INTS9: variants seen among roughly 807,000 people sequenced by gnomAD.
INTS9 encodes integrator complex subunit 9.
A neutral mutation model predicts 79.7 loss-of-function variants in INTS9; 55 were observed. The observed-to-expected ratio is 0.69, with a 90% CI of 0.56 to 0.86. INTS9 has a LOEUF of 0.86. Ranked by LOEUF, INTS9 falls within the 40% of genes least tolerant of loss-of-function variation. The pLI is 0.00. For synonymous variants in INTS9, 319 were observed against 325.2 expected (o/e 0.98, Z 0.20); for missense variants, 721 against 831.5 (o/e 0.87, Z 1.64).
intron 6 of INTS9, among the ~76,000 whole-genome samples, chr8:28,824,870 A>G (rs1468923426): frequency 6.6e-6 from 1 of 152,230 alleles, no homozygotes; most frequent in Non-Finnish European, 1.5e-5. Context: ...AGAGAATACT[A>G]CCTTCCTTTG....
At chr8:28,848,106 C>A (rs933242710) in intron 3 of INTS9, among the ~76,000 whole-genome samples, 10 of 152,236 alleles carry the variant, frequency 6.6e-5, no homozygotes, top group Admixed American at 3.3e-4. Context: ...TCTCCTCTCA[C>A]TGACTTTAAA....
chr8:28,797,507 T>C (rs1804290858), intron 8 of INTS9, among the ~76,000 whole-genome samples: 1 of 152,214 alleles, frequency 6.6e-6, no homozygotes, highest in Non-Finnish European at 1.5e-5. Context: ...ACATCCATGA[T>C]CTTCTTGTGA....
intron 2 of INTS9, among the ~76,000 whole-genome samples, chr8:28,857,095 A>G (rs1012729003): frequency 6.6e-6 from 1 of 152,124 alleles, no homozygotes; most frequent in African/African-American, 2.4e-5. Context: ...GTGTATATGT[A>G]CCACATTTTC....
chr8:28,816,984 C>A (rs1445685164), intron 6 of INTS9, among the ~76,000 whole-genome samples: 1 of 149,200 alleles, frequency 6.7e-6, no homozygotes, highest in African/African-American at 2.5e-5. Flanking sequence ...GTCCTTTGCC[C>A]ACTTTTTGAT....
chr8:28,851,678 C>T (rs1196986716), intron 2 of INTS9, among the ~76,000 whole-genome samples: 2 of 151,782 alleles, frequency 1.3e-5, no homozygotes, highest in Non-Finnish European at 2.9e-5. Flanking sequence ...ACCTCATGAT[C>T]CACCCGCCTC....
intron 12 of INTS9, among the ~76,000 whole-genome samples, chr8:28,778,741 GCA>G (rs2130883279): frequency 1.3e-5 from 2 of 152,328 alleles, no homozygotes; most frequent in South Asian, 2.1e-4. Flanking sequence ...TTGATTCCCA[GCA>G]CAGTCTGTGC....
intron 6 of INTS9, among the ~76,000 whole-genome samples, chr8:28,834,603 G>C (rs895334394): frequency 2.0e-5 from 3 of 151,700 alleles, no homozygotes; most frequent in Non-Finnish European, 4.4e-5. Context: ...ATCTCCTAAG[G>C]AATGTCCTTC....
At position 28,767,977 on chromosome 8, in the gene INTS9, G is replaced by T. The variant is rs936725221; in HGVS notation, c.*169C>A. 7 of 668,044 alleles carry T rather than the reference G, an allele frequency of 1.0e-5. No individual in the cohort carries two copies. In the African/African-American group the frequency reaches 1.1e-4, roughly 10 times the overall value. 41.4% of individuals were successfully genotyped at this position (668,044 alleles called of 1,614,324 possible). A position where few individuals can be genotyped will look rare whatever the true frequency, so the allele number is the denominator to read the frequency against. ...AGGGAAAGTTCTTGCCTGAAACAGT[G>T]CTGGGAATAAGTCCAGACCATTTCC... On this transcript the variant is annotated 3_prime_UTR_variant, in exon 17 of 17. Transcript: ENST00000521022.
At chr8:28,830,096 G>C (rs4732884) in intron 6 of INTS9, among the ~76,000 whole-genome samples, 128,992 of 151,726 alleles carry the variant, frequency 0.85, 55,122 homozygotes, top group East Asian at 0.93. Flanking sequence ...ACAGATAGAG[G>C]CTATATAATG....
At chr8:28,787,130 A>G (rs1803648684) in intron 11 of INTS9, among the ~76,000 whole-genome samples, 2 of 152,208 alleles carry the variant, frequency 1.3e-5, no homozygotes, top group Non-Finnish European at 2.9e-5. Flanking sequence ...TAGAGCAATA[A>G]TAACATGAGA....
At chr8:28,808,764 C>T (rs965163850) in intron 8 of INTS9, among the ~76,000 whole-genome samples, 16 of 152,130 alleles carry the variant, frequency 1.1e-4, no homozygotes, top group African/African-American at 3.9e-4. Context: ...ATTAAAGACC[C>T]GCCAATGTTT....
In INTS9 at chr8:28,769,966, C is replaced by T. The variant is rs537896246; in HGVS notation, c.1723G>A (p.Val575Ile). The T allele has an allele frequency of 8.1e-5, 130 of 1,614,240 alleles. No homozygotes were observed. Among genetic ancestry groups the T allele is most frequent in the East Asian group, 3.6e-4 (16 of 44,886 alleles). ...GGCTTCAGGACTTTGCAGTCTGGTA[C>T]GTCATCGCTCACCCGCTTTCTCTTC... ...GKKRKRVSDD[V>I]PDCKVLKPLL... is the part of the protein sequence containing the mutation. The change falls in exon 16 of 17, where the codon GTA becomes ATA. Residue 575 changes from valine (V) to isoleucine (I), a missense_variant. Physicochemically the swap from Val to Ile is conservative, Grantham distance 29. Transcript: ENST00000521022.
chr8:28,835,146 A>T (rs1806729233), intron 6 of INTS9, 146 bp downstream of exon 6: 1 of 594,860 alleles, frequency 1.7e-6, no homozygotes, highest in African/African-American at 1.9e-5. Context: ...GGTTGAATCA[A>T]ATATAACCCT....
intron 6 of INTS9, among the ~76,000 whole-genome samples, chr8:28,819,008 T>C (rs1403134428): frequency 1.3e-5 from 2 of 152,178 alleles, no homozygotes; most frequent in Non-Finnish European, 2.9e-5. Flanking sequence ...ATCCCCTTTA[T>C]CATTTTTTAT....
chr8:28,846,858 A>G, intron 3 of INTS9, 49 bp from the exon 4 acceptor site: 1 of 1,389,776 alleles, frequency 7.2e-7, no homozygotes, highest in Non-Finnish European at 1.0e-6. Flanking sequence ...TCCAGTAGAT[A>G]CAGGACCAAA....
At chr8:28,803,331 G>GTCACAAGCA (rs1804629150) in intron 8 of INTS9, among the ~76,000 whole-genome samples, 1 of 152,174 alleles carries the variant, frequency 6.6e-6, no homozygotes, top group Admixed American at 6.5e-5. Flanking sequence ...AGGTTCGCAG[G>GTCACAAGCA]TCACAAGCAA....
intron 14 of INTS9, among the ~76,000 whole-genome samples, chr8:28,775,050 G>A (rs926837481): frequency 2.6e-5 from 4 of 151,976 alleles, no homozygotes; most frequent in Non-Finnish European, 4.4e-5. Flanking sequence ...CTTATTTTTT[G>A]GTTCCTGTTA....
intron 1 of INTS9, among the ~76,000 whole-genome samples, chr8:28,885,830 C>T (rs1051005184): frequency 2.0e-5 from 3 of 152,188 alleles, no homozygotes; most frequent in Non-Finnish European, 4.4e-5. Flanking sequence ...ACAGAACATG[C>T]TCTAAAATGT....
intron 2 of INTS9, among the ~76,000 whole-genome samples, chr8:28,857,606 ATTAG>A (rs1233998721): frequency 2.6e-5 from 4 of 152,232 alleles, no homozygotes; most frequent in African/African-American, 9.6e-5. Context: ...AATTTAATTA[ATTAG>A]TTAATTATAA....
Sources: gnomAD v4.1 joint callset for allele counts (sites outside exome capture counted in the v4.1 genomes callset) on GRCh38, gnomAD v4.1.1 for gene constraint, MANE v1.5 for transcripts, NCBI Gene and HGNC (gene_info 2026-07-23, HGNC 2026-07-21) for gene names.